Variants in LEMD3 observed in about 807,000 individuals in gnomAD.
LEMD3 encodes LEM domain containing 3, also known as inner nuclear membrane protein Man1.
Under a neutral mutation model 95.2 loss-of-function variants are expected in LEMD3, and 33 were observed. That is an observed-to-expected ratio of 0.35 (90% CI 0.26 to 0.46). LEMD3 has a LOEUF of 0.46. LEMD3 is among the 20% of genes least tolerant of loss of function. The probability of loss-of-function intolerance (pLI) is 1.00; values close to 1 mark genes in which losing one functional copy is unlikely to be tolerated. For synonymous variants in LEMD3, 525 were observed against 474.6 expected (o/e 1.11, Z -1.38); for missense variants, 1,210 against 1,192.8 (o/e 1.01, Z -0.21).
At position 65,169,982 on chromosome 12, in the gene LEMD3, C is replaced by T. The variant is rs1432087433; in HGVS notation, c.386C>T (p.Pro129Leu). ...LGGPGGASAA[P>L]AAGSKVLLGF... The stretch of plus-strand genomic sequence containing the variant: ...GGGCCCGGGGGCGCCTCCGCCGCCC[C>T]CGCGGCTGGCAGCAAAGTGCTGCTG... The change falls in exon 1 of 13, where the codon CCC becomes CTC. Residue 129 changes from proline (P) to leucine (L), a missense_variant. Physicochemically the swap from Pro to Leu is moderately conservative, Grantham distance 98. Transcript: ENST00000308330. 2 of 1,469,564 alleles carry T rather than the reference C, an allele frequency of 1.4e-6. No homozygotes were observed. The highest frequency in any genetic ancestry group is 1.5e-5 in the African/African-American group (1 of 67,366). 91.0% of individuals were successfully genotyped at this position (1,469,564 alleles called of 1,614,324 possible). A position where few individuals can be genotyped will look rare whatever the true frequency, so the allele number is the denominator to read the frequency against.
At chr12:65,194,625 A>G (rs1869351857) in intron 1 of LEMD3, among the ~76,000 whole-genome samples, 1 of 151,998 alleles carries the variant, frequency 6.6e-6, no homozygotes, top group African/African-American at 2.4e-5. Flanking sequence ...TAGGCTCTAC[A>G]ATACTGATGT....
In LEMD3 at chr12:65,241,074, A is replaced by G. The variant is rs1178975750; in HGVS notation, c.2292A>G (p.Val764=). 6.2e-7 allele frequency: 1 copy of G among 1,613,814 alleles called. No individual in the cohort carries two copies. The highest frequency in any genetic ancestry group is 1.1e-5 in the South Asian group (1 of 91,068). Residue 764 remains valine (V), a synonymous_variant, in exon 9 of 13, where the codon GTA becomes GTG. Coordinates refer to ENST00000308330, the MANE Select transcript of LEMD3 (RefSeq NM_014319.5). Reference sequence around the variant, plus strand: ...AAATATTAGTTATACCTTCTAAAGTATGGCAAGGTCAAGGTATGTATTTTT... The same window carrying G: ...AAATATTAGTTATACCTTCTAAAGTGTGGCAAGGTCAAGGTATGTATTTTT... ...CDKILVIPSK[V]WQGQAFHLDR...
intron 1 of LEMD3, among the ~76,000 whole-genome samples, chr12:65,177,496 A>G (rs1178608410): frequency 1.3e-5 from 2 of 152,166 alleles, no homozygotes; most frequent in Non-Finnish European, 2.9e-5. Flanking sequence ...AAAGTGGTCT[A>G]GGGAAAATGA....
chr12:65,220,288 T>C (rs944198457), intron 4 of LEMD3, among the ~76,000 whole-genome samples: 1 of 152,218 alleles, frequency 6.6e-6, no homozygotes, highest in South Asian at 2.1e-4. Context: ...ATACCATTTA[T>C]ATACATATAC....
Position 65,247,294 on chromosome 12 carries a change from AC to A in LEMD3, c.*970del, listed in dbSNP as rs1350055686. On this transcript the variant is annotated 3_prime_UTR_variant, in exon 13 of 13. Coordinates refer to ENST00000308330, the MANE Select transcript of LEMD3 (RefSeq NM_014319.5). Reference sequence around the variant, plus strand: ...GTGAAAAGCTGTATTTATTATAAATACTAGGGCCATGACATAGTACCATTGG... The same window carrying A: ...GTGAAAAGCTGTATTTATTATAAATATAGGGCCATGACATAGTACCATTGG... The A allele has an allele frequency of 6.6e-6, 1 of 152,608 alleles. No homozygotes were observed. The highest frequency in any genetic ancestry group is 6.5e-5 in the Admixed American group (1 of 15,276). 9.5% of individuals were successfully genotyped at this position (152,608 alleles called of 1,614,324 possible).
chr12:65,188,696 G>A (rs1869142554), intron 1 of LEMD3, among the ~76,000 whole-genome samples: 1 of 152,112 alleles, frequency 6.6e-6, no homozygotes, highest in Non-Finnish European at 1.5e-5. Flanking sequence ...AAAACTTTGA[G>A]CATTGTTGAC....
intron 4 of LEMD3, among the ~76,000 whole-genome samples, chr12:65,235,887 A>G (rs1019674833): frequency 1.3e-5 from 2 of 152,292 alleles, no homozygotes; most frequent in South Asian, 2.1e-4. Flanking sequence ...ATCATTAAAT[A>G]CATTGTCTGC....
Position 65,240,992 on chromosome 12 carries a change from T to C in LEMD3, c.2210T>C (p.Ile737Thr), listed in dbSNP as rs1485097510. ...ESRVRTETRR[I>T]GGADFLVWRW... ...AGAGTTCGCACGGAAACACGAAGAATAGGTGGTGCAGATTTTCTGGTTTGG... is the reference window on the plus strand; with the variant it reads ...AGAGTTCGCACGGAAACACGAAGAACAGGTGGTGCAGATTTTCTGGTTTGG... Residue 737 changes from isoleucine (I) to threonine (T), a missense_variant, in exon 9 of 13, where the codon ATA becomes ACA. Coordinates refer to ENST00000308330, the MANE Select transcript of LEMD3 (RefSeq NM_014319.5). 3.1e-6 allele frequency: 5 copies of C among 1,614,004 alleles called. No homozygotes were observed. Among genetic ancestry groups the C allele is most frequent in the South Asian group, 1.1e-5 (1 of 91,084 alleles).
intron 4 of LEMD3, among the ~76,000 whole-genome samples, 164 bp downstream of exon 4, chr12:65,218,783 CTTT>C (rs10676847): frequency 3.2e-5 from 4 of 123,080 alleles, no homozygotes; most frequent in Admixed American, 8.4e-5. Context: ...AATTGTTCAA[CTTT>C]TTTTTTTTTT....
intron 1 of LEMD3, among the ~76,000 whole-genome samples, chr12:65,175,045 T>C (rs1425921999): frequency 6.6e-6 from 1 of 152,078 alleles, no homozygotes; most frequent in African/African-American, 2.4e-5. Flanking sequence ...AAAACAGGCT[T>C]GTGTGTTGAA....
intron 2 of LEMD3, among the ~76,000 whole-genome samples, chr12:65,214,443 A>AT (rs1870039701): frequency 6.6e-6 from 1 of 152,226 alleles, no homozygotes. Context: ...AACTGAATGA[A>AT]TAAGTAACTT....
intron 10 of LEMD3, 58 bp downstream of exon 10, chr12:65,243,527 T>C (rs2136357016): frequency 1.1e-6 from 1 of 949,206 alleles, no homozygotes; most frequent in Admixed American, 1.7e-5. Flanking sequence ...GGCTGGAAAA[T>C]GCATGATATT....
rs757668158 is a variant in LEMD3, at chr12:65,241,041, C to T, written c.2259C>T (p.Ser753=). 1.2e-6 allele frequency: 2 copies of T among 1,614,008 alleles called. No individual in the cohort carries two copies. The change falls in exon 9 of 13, where the codon TCC becomes TCT. Residue 753 remains serine (S), a synonymous_variant. Coordinates refer to ENST00000308330, the MANE Select transcript of LEMD3 (RefSeq NM_014319.5). ...LVWRWIQPSA[S]CDKILVIPSK... ...GGCGGTGGATCCAGCCTTCTGCATC[C>T]TGTGACAAAATATTAGTTATACCTT...
At chr12:65,221,734 CTCTT>C (rs1391032547) in intron 4 of LEMD3, among the ~76,000 whole-genome samples, 2 of 137,724 alleles carry the variant, frequency 1.5e-5, no homozygotes, top group Non-Finnish European at 3.1e-5. Flanking sequence ...AGGAAAATCT[CTCTT>C]TTTTTTTTTT....
intron 1 of LEMD3, among the ~76,000 whole-genome samples, chr12:65,209,062 T>C (rs1869850733): frequency 6.6e-6 from 1 of 152,040 alleles, no homozygotes; most frequent in Non-Finnish European, 1.5e-5. Flanking sequence ...CAAAGTGAAA[T>C]AAAGAAGAGT....
chr12:65,201,445 GT>G (rs1439227994), intron 1 of LEMD3, among the ~76,000 whole-genome samples: 3 of 152,126 alleles, frequency 2.0e-5, no homozygotes, highest in African/African-American at 7.2e-5. Flanking sequence ...CTATCTTTCA[GT>G]TTAATTAGTT....
At position 65,169,967 on chromosome 12, in the gene LEMD3, G is replaced by A. The variant is rs892832101; in HGVS notation, c.371G>A (p.Gly124Asp). 2.0e-5 allele frequency: 30 copies of A among 1,463,438 alleles called. No individual in the cohort carries two copies. In the African/African-American group the frequency reaches 3.3e-4, roughly 16 times the overall value. 90.7% of individuals were successfully genotyped at this position (1,463,438 alleles called of 1,614,324 possible). ...GAGAGCCTCCTGGGAGGGCCCGGGG[G>A]CGCCTCCGCCGCCCCCGCGGCTGGC... Reference protein sequence around the residue: ...GPESLLGGPGGASAAPAAGSK... With the variant: ...GPESLLGGPGDASAAPAAGSK... Residue 124 changes from glycine (G) to aspartate (D), a missense_variant, in exon 1 of 13, where the codon GGC (glycine) becomes GAC (aspartate). Coordinates refer to ENST00000308330, the MANE Select transcript of LEMD3 (RefSeq NM_014319.5).
intron 1 of LEMD3, among the ~76,000 whole-genome samples, chr12:65,185,054 C>T (rs1869018732): frequency 6.6e-6 from 1 of 151,960 alleles, no homozygotes; most frequent in Non-Finnish European, 1.5e-5. Flanking sequence ...GGGCCTTGGG[C>T]TCAAGTAATC....
At chr12:65,205,997 G>A (rs999920588) in intron 1 of LEMD3, among the ~76,000 whole-genome samples, 1 of 152,064 alleles carries the variant, frequency 6.6e-6, no homozygotes, top group African/African-American at 2.4e-5. Flanking sequence ...GAAAACAAAT[G>A]GGCATAATGC....
Sources: allele counts gnomAD v4.1 joint callset (sites outside exome capture counted in the v4.1 genomes callset), GRCh38; gene constraint gnomAD v4.1.1; transcripts MANE v1.5; gene names NCBI Gene and HGNC (gene_info 2026-07-23, HGNC 2026-07-21).